The following NRG1 variants were observed in gnomAD, a reference collection of about 807,000 sequenced individuals.
The protein encoded by NRG1 is neuregulin 1, also known as pro-neuregulin-1, membrane-bound isoform.
In NRG1, 18 loss-of-function variants were observed where a neutral mutation model predicts 63.8. The ratio of observed to expected loss-of-function variants is 0.28; its 90% confidence interval spans 0.19 to 0.42. NRG1 has a LOEUF of 0.42. Among genes scored for constraint, NRG1 ranks in the 10% least tolerant of loss-of-function variants. The pLI is 1.00. For missense variants in NRG1, 762 were observed against 814.7 expected, an observed-to-expected ratio of 0.94 and a Z score of 0.79; for synonymous variants, 302 against 301.3, an observed-to-expected ratio of 1.00 and a Z score of -0.02.
At chr8:32,635,066 G>A (rs10098373) in intron 5 of NRG1, among the ~76,000 whole-genome samples, 1 of 151,942 alleles carries the variant, frequency 6.6e-6, no homozygotes, top group Non-Finnish European at 1.5e-5. Context: ...TCACAGTCAG[G>A]CTTCTCTTCC....
chr8:31,794,864 A>ATAT (rs1821052849), intron 1 of NRG1, among the ~76,000 whole-genome samples: 1 of 152,134 alleles, frequency 6.6e-6, no homozygotes, highest in Non-Finnish European at 1.5e-5. Flanking sequence ...GTGCAGCAGC[A>ATAT]CAATCTCAGC....
intron 5 of NRG1, among the ~76,000 whole-genome samples, chr8:32,632,929 A>T (rs1224472356): frequency 2.0e-5 from 3 of 152,206 alleles, no homozygotes; most frequent in African/African-American, 7.2e-5. Context: ...AATGTTTAAC[A>T]CTTATTTCTT....
At chr8:31,815,362 A>G (rs1416054598) in intron 1 of NRG1, among the ~76,000 whole-genome samples, 1 of 152,128 alleles carries the variant, frequency 6.6e-6, no homozygotes, top group Non-Finnish European at 1.5e-5. Flanking sequence ...TCTTTTTGAG[A>G]CTGGCTTATT....
At chr8:32,167,545 G>T (rs1042970088) in intron 1 of NRG1, among the ~76,000 whole-genome samples, 1 of 152,162 alleles carries the variant, frequency 6.6e-6, no homozygotes, top group Non-Finnish European at 1.5e-5. Context: ...ATTCTTCCCA[G>T]ATCTACCTTT....
chr8:32,402,218 G>T (rs894418414), intron 1 of NRG1, among the ~76,000 whole-genome samples: 1 of 151,854 alleles, frequency 6.6e-6, no homozygotes, highest in African/African-American at 2.4e-5. Context: ...TGGCCTAAAA[G>T]TTTTTTTAAA....
chr8:31,818,739 A>G (rs1823694593), intron 1 of NRG1, among the ~76,000 whole-genome samples: 2 of 152,052 alleles, frequency 1.3e-5, no homozygotes, highest in East Asian at 1.9e-4. Flanking sequence ...GTAAGCTGGG[A>G]GTTGGGGACC....
At chr8:32,442,620 A>T (rs1428813383) in intron 1 of NRG1, 1 of 152,248 alleles carries the variant, frequency 6.6e-6, no homozygotes, top group South Asian at 2.1e-4. Context: ...ATGCCATTTC[A>T]TAAAGCCTGT....
chr8:32,448,720 G>A (rs1310381034), intron 1 of NRG1, among the ~76,000 whole-genome samples: 1 of 152,080 alleles, frequency 6.6e-6, no homozygotes, highest in African/African-American at 2.4e-5. Context: ...TAGCTTTTAT[G>A]GTAGAGGTTC....
chr8:31,954,512 G>C (rs540641662), intron 1 of NRG1, among the ~76,000 whole-genome samples: 7 of 152,302 alleles, frequency 4.6e-5, no homozygotes, highest in South Asian at 2.1e-4. Flanking sequence ...TTGTTGACTT[G>C]TATTGCATTA....
chr8:32,140,458 C>T (rs1182778424), intron 1 of NRG1, among the ~76,000 whole-genome samples: 1 of 151,092 alleles, frequency 6.6e-6, no homozygotes, highest in Non-Finnish European at 1.5e-5. Context: ...TGCTTTTCTT[C>T]TTTCTTTCTT....
At chr8:31,820,678 TATCTA>T (rs745698114) in intron 1 of NRG1, among the ~76,000 whole-genome samples, 110 of 152,344 alleles carry the variant, frequency 7.2e-4, no homozygotes, top group Middle Eastern at 6.8e-3. Flanking sequence ...CATTGGAACT[TATCTA>T]AACCAATTAG....
chr8:32,713,819 A>G (rs1818458153), intron 5 of NRG1, among the ~76,000 whole-genome samples: 1 of 148,276 alleles, frequency 6.7e-6, no homozygotes, highest in Non-Finnish European at 1.5e-5. Flanking sequence ...GATATTATAT[A>G]CATATATATA....
exon 1 of NRG1, chr8:31,639,312 G>A: frequency 1.3e-6 from 2 of 1,505,620 alleles, no homozygotes; most frequent in Non-Finnish European, 1.8e-6. Context: ...CAGCACTCGG[G>A]GCGACAGAGA....
At chr8:32,438,630 A>C (rs1275060781) in intron 1 of NRG1, among the ~76,000 whole-genome samples, 4 of 152,156 alleles carry the variant, frequency 2.6e-5, no homozygotes, top group Non-Finnish European at 5.9e-5. Flanking sequence ...CCAAAATTAG[A>C]TGTGCCATTT....
chr8:32,539,859 G>A (rs549750231), intron 1 of NRG1, among the ~76,000 whole-genome samples: 2 of 152,200 alleles, frequency 1.3e-5, no homozygotes, highest in East Asian at 3.9e-4. Flanking sequence ...TGAGTCCCAG[G>A]CAAAGGTTTT....
intron 1 of NRG1, among the ~76,000 whole-genome samples, chr8:31,989,253 C>CAAAAAAAAAAAAAAAAAAAAAAAAAAA (rs10692906): frequency 6.9e-4 from 33 of 47,518 alleles, no homozygotes; most frequent in African/African-American, 1.1e-3. Flanking sequence ...GACTCTGTCT[C>CAAAAAAAAAAAAAAAAAAAAAAAAAAA]AAAAAAAAAA....
intron 1 of NRG1, among the ~76,000 whole-genome samples, chr8:31,879,731 C>T (rs1018145930): frequency 1.3e-5 from 2 of 152,122 alleles, no homozygotes; most frequent in Non-Finnish European, 1.5e-5. Flanking sequence ...TCAAGTAGAC[C>T]TGAGTGTCTG....
intron 1 of NRG1, among the ~76,000 whole-genome samples, chr8:32,576,093 G>A (rs938842064): frequency 7.2e-5 from 11 of 152,138 alleles, no homozygotes; most frequent in African/African-American, 2.7e-4. Context: ...AAGCTATTTA[G>A]CATACGTGTC....
At chr8:32,150,143 C>T (rs762225195) in intron 1 of NRG1, among the ~76,000 whole-genome samples, 3 of 152,070 alleles carry the variant, frequency 2.0e-5, no homozygotes, top group African/African-American at 7.2e-5. Context: ...ACAAACACTA[C>T]GTAGCATTTA....
Sources: allele counts gnomAD v4.1 joint callset (sites outside exome capture counted in the v4.1 genomes callset), GRCh38; gene constraint gnomAD v4.1.1; transcripts MANE v1.5; gene names NCBI Gene and HGNC (gene_info 2026-07-23, HGNC 2026-07-21).